ST18: variants seen among roughly 807,000 people sequenced by gnomAD.
ST18 encodes suppression of tumorigenicity 18 protein.
ST18 carries 50 observed loss-of-function variants against 110.0 expected under a neutral mutation model. The ratio of observed to expected loss-of-function variants is 0.45; its 90% CI spans 0.36 to 0.58. The LOEUF (loss-of-function observed/expected upper bound fraction) is 0.58. ST18 is among the 20% of genes least tolerant of loss of function. The pLI is 0.00. For missense variants in ST18, 1,306 were observed against 1,280.1 expected (o/e 1.02, Z -0.31); for synonymous variants, 461 against 452.4 (o/e 1.02, Z -0.24).
intron 2 of ST18, among the ~76,000 whole-genome samples, chr8:52,355,074 C>G (rs1822085591): frequency 6.6e-6 from 1 of 152,206 alleles, no homozygotes; most frequent in African/African-American, 2.4e-5. Flanking sequence ...CCATCCCTTT[C>G]TCTTCTCACC....
chr8:52,116,123 G>C lies in ST18; in HGVS notation c.3003+152C>G, dbSNP rs746167042. Reference sequence around the variant, plus strand: ...TATCTACCATGTTCCCAGAGAGGGAGATTACTCCAAGCCAGACTGTGATGA... The same window carrying C: ...TATCTACCATGTTCCCAGAGAGGGACATTACTCCAAGCCAGACTGTGATGA... On this transcript the variant is annotated intron_variant, in intron 25 of 25. Transcript: ENST00000689386. 5 of 759,908 alleles carry C rather than the reference G, an allele frequency of 6.6e-6. No homozygotes were observed. The Admixed American group carries it at 8.9e-5, about 13-fold the overall frequency. 47.1% of individuals were successfully genotyped at this position (759,908 alleles called of 1,614,324 possible).
Position 52,180,142 on chromosome 8 carries a change from G to A in ST18, c.257C>T (p.Thr86Ile). 1 of 1,614,126 alleles carries A rather than the reference G, an allele frequency of 6.2e-7. No homozygotes were observed. The highest frequency in any genetic ancestry group is 1.1e-5 in the South Asian group (1 of 91,070). Residue 86 changes from threonine (T) to isoleucine (I), a missense_variant, in exon 9 of 26, where the codon ACA becomes ATA. Coordinates refer to ENST00000689386, the MANE Select transcript of ST18 (RefSeq NM_001352837.2). ...DRTEDDGPLE[T>I]HGHSTAEEIM... is the part of the protein sequence containing the mutation. ...GCTACCTGCGGTAGAGTGACCATGT[G>A]TTTCCAAGGGGCCATCGTCCTCTGT... is the stretch of plus-strand genomic sequence containing the variant.
At chr8:52,310,275 T>C (rs1328003960) in intron 2 of ST18, among the ~76,000 whole-genome samples, 1 of 152,222 alleles carries the variant, frequency 6.6e-6, no homozygotes, top group Non-Finnish European at 1.5e-5. Context: ...TCCAAAGGAC[T>C]CTGTGTAGTG....
intron 8 of ST18, among the ~76,000 whole-genome samples, chr8:52,184,046 A>G (rs1164287843): frequency 6.6e-6 from 1 of 152,080 alleles, no homozygotes; most frequent in African/African-American, 2.4e-5. Flanking sequence ...CTTTATTGTG[A>G]CACTTCACTG....
intron 2 of ST18, among the ~76,000 whole-genome samples, chr8:52,316,455 T>A (rs1303054657): frequency 6.6e-6 from 1 of 152,250 alleles, no homozygotes; most frequent in East Asian, 1.9e-4. Flanking sequence ...TTTTTATAAT[T>A]TGTGTAGAAT....
intron 3 of ST18, among the ~76,000 whole-genome samples, chr8:52,228,345 T>C (rs1433805904): frequency 1.3e-5 from 2 of 152,190 alleles, no homozygotes; most frequent in African/African-American, 2.4e-5. Flanking sequence ...TATAGGAAGA[T>C]CTTCAACTCA....
At chr8:52,348,480 C>T (rs183853608) in intron 2 of ST18, among the ~76,000 whole-genome samples, 23 of 152,326 alleles carry the variant, frequency 1.5e-4, no homozygotes, top group South Asian at 2.1e-4. Flanking sequence ...CAGCTGGGTG[C>T]GGTGGCTCAC....
intron 15 of ST18, among the ~76,000 whole-genome samples, chr8:52,158,677 C>T (rs1162302035): frequency 2.0e-5 from 3 of 152,202 alleles, no homozygotes; most frequent in Non-Finnish European, 2.9e-5. Context: ...ACCCCAACTT[C>T]AAGAGGAGCC....
chr8:52,221,895 C>A (rs900971761), intron 3 of ST18, 102 bp from the exon 4 acceptor site: 1 of 148,394 alleles, frequency 6.7e-6, no homozygotes, highest in African/African-American at 2.5e-5. Context: ...TCTTAGTTTG[C>A]GTTTGATTGC....
At chr8:52,127,356 T>C (rs1424516210) in intron 22 of ST18, among the ~76,000 whole-genome samples, 1 of 152,170 alleles carries the variant, frequency 6.6e-6, no homozygotes, top group African/African-American at 2.4e-5. Flanking sequence ...CAAACTCAAC[T>C]TGGAAACTGT....
At chr8:52,387,896 A>G (rs563279202) in intron 2 of ST18, among the ~76,000 whole-genome samples, 22 of 152,252 alleles carry the variant, frequency 1.4e-4, no homozygotes, top group African/African-American at 4.3e-4. Context: ...TCCTGTTTTG[A>G]GTTCATTTAA....
At chr8:52,135,023 A>G (rs909692602) in intron 19 of ST18, among the ~76,000 whole-genome samples, 1 of 152,244 alleles carries the variant, frequency 6.6e-6, no homozygotes, top group Non-Finnish European at 1.5e-5. Context: ...ACATGTTTTC[A>G]GTGTATTACC....
At chr8:52,113,746 C>T (rs146116251) in intron 25 of ST18, among the ~76,000 whole-genome samples, 1 of 152,048 alleles carries the variant, frequency 6.6e-6, no homozygotes, top group East Asian at 1.9e-4. Context: ...CTAAGTGGTG[C>T]CCTTAACAGC....
chr8:52,185,435 G>T (rs978735772), intron 8 of ST18, among the ~76,000 whole-genome samples: 3 of 152,124 alleles, frequency 2.0e-5, no homozygotes, highest in African/African-American at 7.2e-5. Flanking sequence ...TACAATTTCT[G>T]TGGAAATGAA....
intron 2 of ST18, among the ~76,000 whole-genome samples, chr8:52,335,804 G>C (rs1029396967): frequency 6.6e-6 from 1 of 152,078 alleles, no homozygotes. Flanking sequence ...TATCCTCTCT[G>C]TTCCCTCCTT....
At chr8:52,260,407 CTCTG>C (rs2094650864) in intron 2 of ST18, among the ~76,000 whole-genome samples, 1 of 149,582 alleles carries the variant, frequency 6.7e-6, no homozygotes, top group Non-Finnish European at 1.5e-5. Flanking sequence ...AGCTCAATCA[CTCTG>C]TCTTGTTCTT....
At chr8:52,232,644 T>C (rs2091742168) in intron 2 of ST18, among the ~76,000 whole-genome samples, 1 of 152,124 alleles carries the variant, frequency 6.6e-6, no homozygotes, top group African/African-American at 2.4e-5. Context: ...CATTTTAGTC[T>C]AATACTAAAA....
At chr8:52,255,959 C>A (rs750952900) in intron 2 of ST18, among the ~76,000 whole-genome samples, 10 of 152,130 alleles carry the variant, frequency 6.6e-5, no homozygotes, top group Non-Finnish European at 1.0e-4. Context: ...GCACCTTGAC[C>A]CCCACTCCTT....
Position 52,132,163 on chromosome 8 carries a change from A to G in ST18, c.2461T>C (p.Cys821Arg). The change falls in exon 22 of 26, where the codon TGT becomes CGT. Residue 821 changes from cysteine (C) to arginine (R), a missense_variant. Coordinates refer to ENST00000689386, the MANE Select transcript of ST18 (RefSeq NM_001352837.2). ...CCTGATATGTGACCTTGGCCATCAC[A>G]CCCTATCACAGGACATCTAGAGAGA... ...DPELKCPVIG[C>R]DGQGHISGKY... 6.2e-7 allele frequency: 1 copy of G among 1,612,500 alleles called. No homozygotes were observed. Among genetic ancestry groups the G allele is most frequent in the Non-Finnish European group, 8.5e-7 (1 of 1,179,664 alleles).
Sources: gnomAD v4.1 joint callset for allele counts (sites outside exome capture counted in the v4.1 genomes callset) on GRCh38, gnomAD v4.1.1 for gene constraint, MANE v1.5 for transcripts, NCBI Gene and HGNC (gene_info 2026-07-23, HGNC 2026-07-21) for gene names.